The following MCOLN2 variants were observed in gnomAD, a reference collection of about 807,000 sequenced individuals.
MCOLN2 encodes mucolipin TRP cation channel 2.
Under a neutral mutation model 67.5 loss-of-function variants are expected in MCOLN2, and 57 were observed. That is an observed-to-expected ratio of 0.84 (90% CI 0.68 to 1.05). The LOEUF (loss-of-function observed/expected upper bound fraction) is 1.05. MCOLN2 is among the 50% of genes least tolerant of loss of function. The pLI is 0.00. For missense variants in MCOLN2, 620 were observed against 678.8 expected (o/e 0.91, Z 0.96); for synonymous variants, 246 against 233.3 (o/e 1.05, Z -0.50).
chr1:84,975,690 C>T (rs1649958960), intron 1 of MCOLN2, among the ~76,000 whole-genome samples: 1 of 152,064 alleles, frequency 6.6e-6, no homozygotes, highest in African/African-American at 2.4e-5. Flanking sequence ...ATTAATAAGG[C>T]ACTAGGGACC....
intron 2 of MCOLN2, among the ~76,000 whole-genome samples, chr1:84,959,182 C>G (rs1345051923): frequency 6.6e-6 from 1 of 152,084 alleles, no homozygotes; most frequent in Admixed American, 6.5e-5. Context: ...CTTACTCCAG[C>G]TAGGAGGTAA....
intron 7 of MCOLN2, among the ~76,000 whole-genome samples, 187 bp from the exon 8 acceptor site, chr1:84,941,178 C>T (rs1647758292): frequency 6.6e-6 from 1 of 152,212 alleles, no homozygotes; most frequent in Non-Finnish European, 1.5e-5. Flanking sequence ...AAAACATTCC[C>T]TGATATAAAG....
At chr1:84,982,270 C>T (rs1478998979) in intron 1 of MCOLN2, among the ~76,000 whole-genome samples, 2 of 152,022 alleles carry the variant, frequency 1.3e-5, no homozygotes, top group Non-Finnish European at 2.9e-5. Flanking sequence ...CATAAAGTTG[C>T]TGCATTTGGC....
At chr1:84,956,797 A>T (rs180791206) in intron 3 of MCOLN2, among the ~76,000 whole-genome samples, 32 of 152,302 alleles carry the variant, frequency 2.1e-4, no homozygotes, top group African/African-American at 6.3e-4. Context: ...GGTGATGGAC[A>T]GCTCCCACCT....
chr1:84,958,736 T>G lies in MCOLN2; in HGVS notation c.238-34A>C, dbSNP rs2102847592. 3.4e-6 allele frequency: 5 copies of G among 1,470,526 alleles called. No individual in the cohort carries two copies. The East Asian group carries it at 9.4e-5, about 28-fold the overall frequency. The allele number at this position is 1,470,526 out of a possible 1,614,324, so 91.1% of individuals were successfully genotyped here. On this transcript the variant is annotated intron_variant, in intron 2 of 13. Coordinates refer to ENST00000370608, the MANE Select transcript of MCOLN2 (RefSeq NM_153259.4). Reference sequence around the variant, plus strand: ...TAAAATAAAATAGAAACACATGAATTACACCATTTATCAGGGGAGGCAAAT... The same window carrying G: ...TAAAATAAAATAGAAACACATGAATGACACCATTTATCAGGGGAGGCAAAT...
At chr1:84,947,002 A>G in intron 7 of MCOLN2, 31 bp downstream of exon 7, 1 of 1,013,346 alleles carries the variant, frequency 9.9e-7, no homozygotes, top group Non-Finnish European at 1.6e-6. Context: ...ATCATCTATA[A>G]TTCCCATGGG....
intron 1 of MCOLN2, among the ~76,000 whole-genome samples, chr1:84,982,666 T>C (rs12751315): frequency 0.43 from 65,963 of 151,668 alleles, 15,040 homozygotes; most frequent in East Asian, 0.63. Flanking sequence ...TTTGTTGTCC[T>C]AACTGCTATT....
intron 1 of MCOLN2, among the ~76,000 whole-genome samples, chr1:84,977,509 A>G (rs903208836): frequency 6.6e-6 from 1 of 152,138 alleles, no homozygotes; most frequent in Non-Finnish European, 1.5e-5. Flanking sequence ...TTCACCTATA[A>G]AGACACACAT....
intron 1 of MCOLN2, among the ~76,000 whole-genome samples, chr1:84,982,492 A>G (rs1435088187): frequency 1.3e-5 from 2 of 152,190 alleles, no homozygotes; most frequent in African/African-American, 4.8e-5. Context: ...TGTTCATTTT[A>G]TCTGTTTCAT....
At chr1:84,973,908 C>A (rs1226945472) in intron 1 of MCOLN2, among the ~76,000 whole-genome samples, 1 of 152,150 alleles carries the variant, frequency 6.6e-6, no homozygotes, top group East Asian at 1.9e-4. Context: ...GTAGAAAAAA[C>A]AGTCCTGAAG....
intron 2 of MCOLN2, among the ~76,000 whole-genome samples, chr1:84,964,481 G>T (rs1396623495): frequency 4.8e-5 from 6 of 126,202 alleles, no homozygotes; most frequent in Non-Finnish European, 8.0e-5. Context: ...CCAGGGACTG[G>T]TTTTGTAGAA....
At chr1:84,947,276 T>C in intron 6 of MCOLN2, 144 bp from the exon 7 acceptor site, 1 of 597,520 alleles carries the variant, frequency 1.7e-6, no homozygotes, top group South Asian at 2.0e-5. Context: ...CTGACTAGAA[T>C]TACTTGACAC....
intron 1 of MCOLN2, among the ~76,000 whole-genome samples, chr1:84,992,636 C>A (rs1351335539): frequency 6.6e-6 from 1 of 152,200 alleles, no homozygotes; most frequent in Non-Finnish European, 1.5e-5. Flanking sequence ...CAGATCACCA[C>A]AATAAAGCAA....
chr1:84,928,425 T>C (rs767733219), intron 13 of MCOLN2, among the ~76,000 whole-genome samples: 35 of 152,320 alleles, frequency 2.3e-4, no homozygotes, highest in Admixed American at 1.8e-3. Flanking sequence ...ACTTGTTCCA[T>C]AGGGCTGCAT....
chr1:84,933,516 G>A (rs1647272637), intron 11 of MCOLN2, among the ~76,000 whole-genome samples: 1 of 152,168 alleles, frequency 6.6e-6, no homozygotes, highest in Admixed American at 6.5e-5. Flanking sequence ...AGTAAAACAG[G>A]CGATTGCCAG....
intron 1 of MCOLN2, among the ~76,000 whole-genome samples, chr1:84,972,918 A>G: frequency 6.6e-6 from 1 of 152,198 alleles, no homozygotes; most frequent in East Asian, 1.9e-4. Context: ...AAATAAGCTA[A>G]CCAGCCCAGG....
intron 6 of MCOLN2, among the ~76,000 whole-genome samples, chr1:84,947,895 C>T (rs1302704125): frequency 1.3e-5 from 2 of 152,244 alleles, no homozygotes; most frequent in Admixed American, 6.5e-5. Flanking sequence ...CCTGATGGAA[C>T]ATCTGAGACC....
Position 84,987,576 on chromosome 1 carries a change from A to AT in MCOLN2, c.77+9219_77+9220insA, listed in dbSNP as rs1491396893. ...TACATCTATGTATACATAGATGTATACATAGATATATACATATGTATATAG... is the reference window on the plus strand; with the variant it reads ...TACATCTATGTATACATAGATGTATATCATAGATATATACATATGTATATAG... On this transcript the variant is annotated intron_variant, in intron 1 of 13. Coordinates refer to ENST00000370608, the MANE Select transcript of MCOLN2 (RefSeq NM_153259.4). 4.8e-4 allele frequency among the ~76,000 whole-genome samples: 41 copies of AT among 86,124 alleles called. 2 individuals are homozygous for AT. Among genetic ancestry groups the AT allele is most frequent in the Admixed American group, 9.6e-4 (7 of 7,284 alleles). The allele number at this position is 86,124 out of a possible 152,430, so 56.5% of individuals were successfully genotyped here.
rs369929567 is a variant in MCOLN2, at chr1:84,954,587, A to C, written c.565+1844T>G. Among the ~76,000 whole-genome samples the C allele has an allele frequency of 2.6e-5, 4 of 152,364 alleles. No homozygotes were observed. In the East Asian group the frequency reaches 5.8e-4, roughly 22 times the overall value. ...CCCAGAGAGGCCAAGAAACTTCCTC[A>C]AGGTCACACAGGTAGCTACTAGGTA... is the stretch of plus-strand genomic sequence containing the variant. On this transcript the variant is annotated intron_variant, in intron 4 of 13. Transcript: ENST00000370608.
Sources: gnomAD v4.1 joint callset for allele counts (sites outside exome capture counted in the v4.1 genomes callset) on GRCh38, gnomAD v4.1.1 for gene constraint, MANE v1.5 for transcripts, NCBI Gene and HGNC (gene_info 2026-07-23, HGNC 2026-07-21) for gene names.